The following FBRSL1 variants were observed in gnomAD, a reference collection of about 807,000 sequenced individuals.
FBRSL1 encodes fibrosin like 1, also known as fibrosin-1-like protein.
A neutral mutation model predicts 89.6 loss-of-function variants in FBRSL1; 51 were observed. The ratio of observed to expected loss-of-function variants is 0.57; its 90% confidence interval spans 0.45 to 0.72. The LOEUF is 0.72. FBRSL1 is among the 30% of genes least tolerant of loss of function. FBRSL1 has a pLI of 0.00. For synonymous variants in FBRSL1, 779 were observed against 681.1 expected (o/e 1.14, Z -2.24); for missense variants, 1,618 against 1,451.8 (o/e 1.11, Z -1.86).
At chr12:132,511,706 T>C in intron 2 of FBRSL1, 1 of 985,164 alleles carries the variant, frequency 1.0e-6, no homozygotes, top group Non-Finnish European at 1.2e-6. Flanking sequence ...TGTCCCTGGC[T>C]CCCAGGCCAG....
At chr12:132,505,534 C>A (rs1220731360) in intron 1 of FBRSL1, among the ~76,000 whole-genome samples, 2 of 152,244 alleles carry the variant, frequency 1.3e-5, no homozygotes, top group Non-Finnish European at 2.9e-5. Context: ...GACCACGCTG[C>A]TGCCTGTCAT....
intron 13 of FBRSL1, 25 bp from the exon 14 acceptor site, chr12:132,574,468 A>G (rs1486956612): frequency 6.5e-7 from 1 of 1,549,476 alleles, no homozygotes; most frequent in Non-Finnish European, 8.7e-7. Flanking sequence ...CACCAGCCCC[A>G]CTGAGCGCTT....
In FBRSL1 at chr12:132,517,704, G is replaced by A. The variant is rs146229970; in HGVS notation, c.490-8030G>A. ...GTGGCGTGTGCCTGAGGAGCCGAGC[G>A]GGCATGGGGTGGGCAGACAGGGCTA... On this transcript the variant is annotated intron_variant, in intron 2 of 18. Coordinates refer to ENST00000680143, the MANE Select transcript of FBRSL1 (RefSeq NM_001367871.1). 2.6e-3 allele frequency among the ~76,000 whole-genome samples: 402 copies of A among 152,302 alleles called. 1 individual carries two copies. Among genetic ancestry groups the A allele is most frequent in the African/African-American group, 9.4e-3 (389 of 41,562 alleles).
chr12:132,560,914 C>G (rs1187598463), intron 5 of FBRSL1, among the ~76,000 whole-genome samples: 1 of 152,166 alleles, frequency 6.6e-6, no homozygotes, highest in Non-Finnish European at 1.5e-5. Flanking sequence ...GCCCCTGGGG[C>G]TGCCACCCCA....
Position 132,491,411 on chromosome 12 carries a change from T to G in FBRSL1, c.291+550T>G, listed in dbSNP as rs943575555. On this transcript the variant is annotated intron_variant, in intron 1 of 18. Transcript: ENST00000680143. ...TGTCTGGCTGACGGACAGTATTTGC[T>G]GAGCAAATACTGCTCCTCTTACATG... is the stretch of plus-strand genomic sequence containing the variant. Among the ~76,000 whole-genome samples, 56 of 152,258 alleles carry G rather than the reference T, an allele frequency of 3.7e-4. 2 individuals carry two copies. Among genetic ancestry groups the G allele is most frequent in the Admixed American group, 3.9e-4 (6 of 15,290 alleles).
In FBRSL1 at chr12:132,582,962, C is replaced by T. The variant is rs760561237; in HGVS notation, c.2202-9C>T. 1.2e-5 allele frequency: 17 copies of T among 1,405,730 alleles called. No homozygotes were observed. Among genetic ancestry groups the T allele is most frequent in the Non-Finnish European group, 1.5e-5 (16 of 1,089,396 alleles). The allele number at this position is 1,405,730 out of a possible 1,614,324, so 87.1% of individuals were successfully genotyped here. A position where few individuals can be genotyped will look rare whatever the true frequency, so the allele number is the denominator to read the frequency against. ...CTCGGGAGTGACGGGTCCGCCCTGC[C>T]GCCCCCAGGGACCTCCTGGAGAAGA... On this transcript the variant is annotated splice_polypyrimidine_tract_variant and intron_variant, in intron 18 of 18. Transcript: ENST00000680143.
intron 2 of FBRSL1, chr12:132,510,067 C>T (rs1201908405): frequency 2.8e-5 from 35 of 1,231,076 alleles, no homozygotes; most frequent in Non-Finnish European, 3.0e-5. Flanking sequence ...CTCCTGGGCC[C>T]GGGACGGCCG....
At chr12:132,565,417 A>G (rs908583845) in intron 5 of FBRSL1, 1 of 152,024 alleles carries the variant, frequency 6.6e-6, no homozygotes, top group African/African-American at 2.4e-5. Context: ...ATCCATGCAC[A>G]CACTGCCACC....
intron 1 of FBRSL1, among the ~76,000 whole-genome samples, chr12:132,491,513 G>A: frequency 6.6e-6 from 1 of 152,212 alleles, no homozygotes; most frequent in East Asian, 1.9e-4. Flanking sequence ...GACTGGCATG[G>A]GCAGGAATGC....
chr12:132,573,645 C>A (rs144061620), intron 11 of FBRSL1, among the ~76,000 whole-genome samples: 1 of 139,858 alleles, frequency 7.2e-6, no homozygotes, highest in Non-Finnish European at 1.6e-5. Context: ...AGGGAAGGGG[C>A]GGTAGAGCCA....
chr12:132,536,633 T>C (rs571995972), intron 4 of FBRSL1, among the ~76,000 whole-genome samples: 4 of 151,300 alleles, frequency 2.6e-5, no homozygotes, highest in Non-Finnish European at 5.9e-5. Context: ...TTGTACATGA[T>C]GGTGTGAGTG....
chr12:132,496,290 A>G (rs2032019763), intron 1 of FBRSL1, among the ~76,000 whole-genome samples: 1 of 152,114 alleles, frequency 6.6e-6, no homozygotes, highest in African/African-American at 2.4e-5. Flanking sequence ...CGTCCGCCAT[A>G]TCCCGCCTTT....
intron 11 of FBRSL1, among the ~76,000 whole-genome samples, chr12:132,573,006 T>TA (rs754005143): frequency 4.6e-5 from 7 of 152,114 alleles, no homozygotes; most frequent in Non-Finnish European, 8.8e-5. Flanking sequence ...AGGAGGTTCT[T>TA]ACGGGGCCGT....
At chr12:132,495,110 G>A (rs561466003) in intron 1 of FBRSL1, among the ~76,000 whole-genome samples, 2 of 152,334 alleles carry the variant, frequency 1.3e-5, no homozygotes, top group African/African-American at 2.4e-5. Context: ...TTTGAGACAC[G>A]GCCCGTCGTG....
Position 132,583,611 on chromosome 12 carries a change from C to T in FBRSL1, c.2842C>T (p.Pro948Ser), listed in dbSNP as rs975618015. ...LHNGLLARTP[P>S]AAAALGAPPP... The stretch of plus-strand genomic sequence containing the variant: ...CAATGGGCTCCTGGCGCGGACCCCG[C>T]CCGCCGCCGCCGCCCTCGGCGCACC... Residue 948 changes from proline to serine, a missense_variant, in exon 19 of 19, where the codon CCC becomes TCC. By Grantham distance (74) the Pro-to-Ser change is moderately conservative (BLOSUM62 -1). Transcript: ENST00000680143. 4.0e-6 allele frequency: 4 copies of T among 991,844 alleles called. No homozygotes were observed. The highest frequency in any genetic ancestry group is 3.5e-5 in the African/African-American group (2 of 56,764). 61.4% of individuals were successfully genotyped at this position (991,844 alleles called of 1,614,324 possible). A position where few individuals can be genotyped will look rare whatever the true frequency, so the allele number is the denominator to read the frequency against.
rs746028014 is a variant in FBRSL1, at chr12:132,582,253, G to A, written c.2188G>A (p.Glu730Lys). Residue 730 changes from glutamate to lysine, a missense_variant, in exon 18 of 19, where the codon GAG becomes AAG. Coordinates refer to ENST00000680143, the MANE Select transcript of FBRSL1 (RefSeq NM_001367871.1). ...NHDREPDNGK[E>K]EQERDLLEKT... ...TGACCGAGAGCCGGACAATGGCAAG[G>A]AGGAGCAGGAACGGTGAGTGGCCCT... 118 of 1,549,938 alleles carry A rather than the reference G, an allele frequency of 7.6e-5. No homozygotes were observed. The Middle Eastern group carries it at 1.3e-3, about 17-fold the overall frequency.
Position 132,510,448 on chromosome 12 carries a change from G to T in FBRSL1, c.489+2098G>T, listed in dbSNP as rs528838970. On this transcript the variant is annotated intron_variant, in intron 2 of 18. Transcript: ENST00000680143. ...CCATCTGTGAGCCCTGGAGCCTGAT[G>T]CCTGCAGGCACCTCCCCATATGGGT... The T allele has an allele frequency of 9.6e-4, 1,181 of 1,232,084 alleles. 3 individuals are homozygous for T. Among genetic ancestry groups the T allele is most frequent in the Non-Finnish European group, 1.1e-3 (1,108 of 988,004 alleles). The allele number at this position is 1,232,084 out of a possible 1,614,324, so 76.3% of individuals were successfully genotyped here.
At chr12:132,561,439 C>T (rs1195141333) in intron 5 of FBRSL1, among the ~76,000 whole-genome samples, 1 of 114,668 alleles carries the variant, frequency 8.7e-6, no homozygotes, top group Non-Finnish European at 1.7e-5. Context: ...AAGGGGAGGG[C>T]AGCAGAGCCC....
chr12:132,528,313 C>A (rs2035969803), intron 4 of FBRSL1, among the ~76,000 whole-genome samples: 1 of 152,116 alleles, frequency 6.6e-6, no homozygotes, highest in Non-Finnish European at 1.5e-5. Flanking sequence ...CAGACCCCAG[C>A]TGCAGCTAAG....
Sources: allele counts gnomAD v4.1 joint callset (sites outside exome capture counted in the v4.1 genomes callset), GRCh38; gene constraint gnomAD v4.1.1; transcripts MANE v1.5; gene names NCBI Gene and HGNC (gene_info 2026-07-23, HGNC 2026-07-21).